Variants in SUMF1 observed in about 807,000 individuals in gnomAD.
The protein encoded by SUMF1 is sulfatase modifying factor 1.
A neutral mutation model predicts 47.6 loss-of-function variants in SUMF1; 48 were observed. The observed-to-expected ratio is 1.01, with a 90% CI of 0.80 to 1.28. The LOEUF is 1.28. Among genes scored for constraint, SUMF1 ranks in the 50% most tolerant of loss-of-function variants. SUMF1 has a pLI of 0.00. For synonymous variants in SUMF1, 230 were observed against 192.1 expected (o/e 1.20, Z -1.63); for missense variants, 571 against 485.4 (o/e 1.18, Z -1.66).
intron 8 of SUMF1, among the ~76,000 whole-genome samples, chr3:4,236,563 G>C (rs1696414023): frequency 7.5e-6 from 1 of 133,826 alleles, no homozygotes; most frequent in Non-Finnish European, 1.6e-5. Flanking sequence ...AGTTCAGCAT[G>C]GGCAACATAG....
At chr3:4,303,604 C>T in intron 8 of SUMF1, 1 of 1,373,706 alleles carries the variant, frequency 7.3e-7, no homozygotes, top group Non-Finnish European at 9.4e-7. Context: ...CTCGCTGGGA[C>T]GGCCTCCCAG....
intron 8 of SUMF1, among the ~76,000 whole-genome samples, chr3:4,139,595 C>A (rs565787717): frequency 1.3e-5 from 2 of 150,704 alleles, no homozygotes; most frequent in Non-Finnish European, 3.0e-5. Context: ...TATATACACA[C>A]ACACACACAT....
intron 1 of SUMF1, among the ~76,000 whole-genome samples, chr3:4,462,350 G>A (rs1322025992): frequency 6.6e-6 from 1 of 152,138 alleles, no homozygotes; most frequent in Admixed American, 6.6e-5. Context: ...TTATCAGTAG[G>A]AGAAGGGACA....
At chr3:4,248,732 T>C (rs1559610743) in intron 8 of SUMF1, among the ~76,000 whole-genome samples, 1 of 152,198 alleles carries the variant, frequency 6.6e-6, no homozygotes, top group Non-Finnish European at 1.5e-5. Context: ...CAGTGTATAA[T>C]CTAGCAACAT....
At chr3:4,134,252 A>C (rs1158195400) in intron 8 of SUMF1, among the ~76,000 whole-genome samples, 1 of 152,108 alleles carries the variant, frequency 6.6e-6, no homozygotes, top group African/African-American at 2.4e-5. Context: ...AAAGAACAGA[A>C]ATTATAACAA....
intron 8 of SUMF1, among the ~76,000 whole-genome samples, chr3:4,138,995 G>A (rs1694010361): frequency 6.6e-6 from 1 of 152,056 alleles, no homozygotes; most frequent in Admixed American, 6.6e-5. Context: ...AGTGATTCAT[G>A]TTGGTACCTT....
At chr3:4,343,171 A>G (rs1445772649) in intron 8 of SUMF1, among the ~76,000 whole-genome samples, 3 of 152,226 alleles carry the variant, frequency 2.0e-5, no homozygotes, top group African/African-American at 7.2e-5. Flanking sequence ...GATGGGAGAG[A>G]GGAGGCTGAT....
chr3:4,072,382 G>A (rs1695548720), intron 8 of SUMF1, among the ~76,000 whole-genome samples: 1 of 152,162 alleles, frequency 6.6e-6, no homozygotes, highest in East Asian at 1.9e-4. Context: ...GGAGAAACCA[G>A]AGCAGAAAGC....
intron 9 of SUMF1, among the ~76,000 whole-genome samples, chr3:4,038,211 C>A (rs1324599166): frequency 6.6e-6 from 1 of 152,126 alleles, no homozygotes; most frequent in East Asian, 1.9e-4. Context: ...TCACTTGTCT[C>A]CTGGGGGCTC....
chr3:4,149,715 A>C (rs1221703359), intron 8 of SUMF1, among the ~76,000 whole-genome samples: 1 of 152,120 alleles, frequency 6.6e-6, no homozygotes, highest in Non-Finnish European at 1.5e-5. Flanking sequence ...AAATTCACTG[A>C]TATTGCAATT....
chr3:4,266,107 G>A (rs1305962754), intron 8 of SUMF1, among the ~76,000 whole-genome samples: 1 of 152,190 alleles, frequency 6.6e-6, no homozygotes, highest in Non-Finnish European at 1.5e-5. Flanking sequence ...TTTGATACCA[G>A]TACCATGCTG....
intron 8 of SUMF1, chr3:4,317,493 G>A: frequency 2.7e-6 from 1 of 363,932 alleles, no homozygotes. Context: ...GACCAGCCTG[G>A]GCAACATAGT....
intron 8 of SUMF1, among the ~76,000 whole-genome samples, chr3:4,210,403 C>T (rs973217499): frequency 6.6e-6 from 1 of 152,156 alleles, no homozygotes; most frequent in East Asian, 1.9e-4. Context: ...AAAAAAGCTA[C>T]AATAACTAAG....
At chr3:4,301,905 G>C (rs1248426366) in intron 8 of SUMF1, among the ~76,000 whole-genome samples, 1 of 152,182 alleles carries the variant, frequency 6.6e-6, no homozygotes, top group Admixed American at 6.5e-5. Flanking sequence ...GAAGCCATGG[G>C]AGTGGATGTT....
At chr3:4,440,368 C>T (rs1379138337) in intron 3 of SUMF1, among the ~76,000 whole-genome samples, 12 of 151,748 alleles carry the variant, frequency 7.9e-5, no homozygotes, top group Non-Finnish European at 1.5e-5. Context: ...GCTTAGTTTA[C>T]ATTGAAGTTA....
chr3:4,442,311 G>A (rs994827703), intron 3 of SUMF1, among the ~76,000 whole-genome samples: 69 of 150,326 alleles, frequency 4.6e-4, no homozygotes, highest in African/African-American at 1.4e-3. Flanking sequence ...GCTGGAGTGC[G>A]GTGGCGCGAT....
downstream of SUMF1, among the ~76,000 whole-genome samples, chr3:4,360,093 A>G (rs867791424): frequency 1.3e-5 from 2 of 152,180 alleles, no homozygotes. Flanking sequence ...ACAATGTAAA[A>G]AATATATGCA....
chr3:4,456,450 C>CTTT (rs758038017), intron 1 of SUMF1, among the ~76,000 whole-genome samples: 3 of 127,014 alleles, frequency 2.4e-5, no homozygotes, highest in Admixed American at 8.0e-5. Context: ...CCATGTTTTT[C>CTTT]TTTGTTTTTT....
chr3:4,293,824 A>C (rs1697787471), intron 8 of SUMF1, among the ~76,000 whole-genome samples: 1 of 152,210 alleles, frequency 6.6e-6, no homozygotes, highest in Non-Finnish European at 1.5e-5. Flanking sequence ...TCACTATATA[A>C]ATCACTATAC....
Sources: allele counts gnomAD v4.1 joint callset (sites outside exome capture counted in the v4.1 genomes callset), GRCh38; gene constraint gnomAD v4.1.1; transcripts MANE v1.5; gene names NCBI Gene and HGNC (gene_info 2026-07-23, HGNC 2026-07-21).